The following PAPSS2 variants were observed in gnomAD, a reference collection of about 807,000 sequenced individuals.
PAPSS2 encodes bifunctional 3'-phosphoadenosine 5'-phosphosulfate synthase 2.
PAPSS2 carries 61 observed loss-of-function variants against 66.5 expected under a neutral mutation model. The observed-to-expected ratio is 0.92, with a 90% CI of 0.75 to 1.14. The LOEUF is 1.14. PAPSS2 is among the 50% of genes most tolerant of loss of function. The probability of loss-of-function intolerance (pLI) is 0.00; values close to 1 mark genes in which losing one functional copy is unlikely to be tolerated. For missense variants in PAPSS2, 708 were observed against 789.6 expected (o/e 0.90, Z 1.24); for synonymous variants, 289 against 287.5 (o/e 1.01, Z -0.05).
At chr10:87,676,505 A>G (rs759215048) in intron 1 of PAPSS2, among the ~76,000 whole-genome samples, 6 of 151,722 alleles carry the variant, frequency 4.0e-5, no homozygotes, top group Non-Finnish European at 7.4e-5. Context: ...GCCCACTTAA[A>G]TGTTTCATAA....
At chr10:87,734,703 A>ATATATATATATG (rs574455849) in intron 9 of PAPSS2, among the ~76,000 whole-genome samples, 4 of 111,704 alleles carry the variant, frequency 3.6e-5, no homozygotes, top group African/African-American at 1.7e-4. Flanking sequence ...ATATATATAT[A>ATATATATATATG]TATGTATGTA....
At chr10:87,672,999 G>A (rs1457748684) in intron 1 of PAPSS2, among the ~76,000 whole-genome samples, 1 of 152,208 alleles carries the variant, frequency 6.6e-6, no homozygotes, top group African/African-American at 2.4e-5. Context: ...GTATTTCTGT[G>A]TGGCCTGAAA....
At chr10:87,665,294 T>C (rs1381987630) in intron 1 of PAPSS2, among the ~76,000 whole-genome samples, 2 of 151,916 alleles carry the variant, frequency 1.3e-5, no homozygotes, top group Non-Finnish European at 2.9e-5. Context: ...TCACTGCAAG[T>C]TCCGCCTTCC....
intron 1 of PAPSS2, among the ~76,000 whole-genome samples, chr10:87,687,661 A>G (rs541200198): frequency 1.3e-5 from 2 of 152,340 alleles, no homozygotes; most frequent in Non-Finnish European, 2.9e-5. Context: ...TATAGTAGCT[A>G]GAAGAGAGGA....
intron 1 of PAPSS2, among the ~76,000 whole-genome samples, chr10:87,674,228 G>A (rs1268639780): frequency 2.0e-5 from 3 of 152,164 alleles, no homozygotes; most frequent in African/African-American, 4.8e-5. Flanking sequence ...GCAGTGGCAC[G>A]ATCTCGGCTC....
At chr10:87,731,866 T>G (rs981352911) in intron 9 of PAPSS2, among the ~76,000 whole-genome samples, 2 of 152,204 alleles carry the variant, frequency 1.3e-5, no homozygotes, top group Non-Finnish European at 2.9e-5. Flanking sequence ...TTTTTTGAGA[T>G]AGAATCTACT....
intron 9 of PAPSS2, 107 bp downstream of exon 9, chr10:87,727,596 T>A: frequency 1.1e-6 from 1 of 931,660 alleles, no homozygotes; most frequent in Non-Finnish European, 1.7e-6. Flanking sequence ...TGGGATTAGG[T>A]GGAAGAATGT....
At chr10:87,662,797 G>A (rs1318315183) in intron 1 of PAPSS2, among the ~76,000 whole-genome samples, 1 of 152,198 alleles carries the variant, frequency 6.6e-6, no homozygotes, top group East Asian at 1.9e-4. Context: ...CAATTGGAAA[G>A]GAGTGAAAAG....
intron 9 of PAPSS2, among the ~76,000 whole-genome samples, chr10:87,737,397 CA>C (rs941768864): frequency 6.6e-6 from 1 of 151,798 alleles, no homozygotes; most frequent in African/African-American, 2.4e-5. Flanking sequence ...AGGTAAAAAA[CA>C]GAACATAAAA....
At chr10:87,720,902 A>G (rs1853591446) in intron 7 of PAPSS2, among the ~76,000 whole-genome samples, 1 of 152,158 alleles carries the variant, frequency 6.6e-6, no homozygotes, top group Non-Finnish European at 1.5e-5. Flanking sequence ...GTTGTCACAG[A>G]CCCTTTGATC....
At chr10:87,693,063 C>T (rs770051443) in intron 1 of PAPSS2, among the ~76,000 whole-genome samples, 3 of 152,166 alleles carry the variant, frequency 2.0e-5, no homozygotes, top group Non-Finnish European at 2.9e-5. Context: ...TCTAGAAAGG[C>T]GTTAATCTGA....
At chr10:87,719,508 A>G (rs1003503914) in intron 7 of PAPSS2, among the ~76,000 whole-genome samples, 11 of 152,206 alleles carry the variant, frequency 7.2e-5, no homozygotes, top group African/African-American at 2.7e-4. Flanking sequence ...CCGTAGTCCC[A>G]GCTACTCAGA....
intron 9 of PAPSS2, among the ~76,000 whole-genome samples, chr10:87,731,086 C>T (rs1853722132): frequency 6.6e-6 from 1 of 152,212 alleles, no homozygotes; most frequent in South Asian, 2.1e-4. Flanking sequence ...AAGTCAATGC[C>T]TGGCTTCAAA....
intron 1 of PAPSS2, among the ~76,000 whole-genome samples, chr10:87,698,103 GT>G (rs1853257926): frequency 1.3e-5 from 2 of 152,054 alleles, no homozygotes; most frequent in African/African-American, 2.4e-5. Flanking sequence ...ACCTCCATCT[GT>G]TTTTTTCTTT....
At chr10:87,661,871 C>T (rs76479505) in intron 1 of PAPSS2, among the ~76,000 whole-genome samples, 5 of 152,114 alleles carry the variant, frequency 3.3e-5, no homozygotes, top group African/African-American at 4.8e-5. Flanking sequence ...TTTAGTCTAA[C>T]GCAGTTATAA....
At chr10:87,662,144 A>G (rs1202465157) in intron 1 of PAPSS2, among the ~76,000 whole-genome samples, 2 of 152,314 alleles carry the variant, frequency 1.3e-5, no homozygotes, top group African/African-American at 4.8e-5. Context: ...AGGAATCATC[A>G]CATTGTTTAC....
intron 1 of PAPSS2, among the ~76,000 whole-genome samples, chr10:87,684,167 T>A (rs527400322): frequency 6.6e-6 from 1 of 152,226 alleles, no homozygotes; most frequent in African/African-American, 2.4e-5. Context: ...CCAATGAAGA[T>A]TGAAGCCAGC....
At chr10:87,716,926 C>G (rs1853539411) in intron 7 of PAPSS2, among the ~76,000 whole-genome samples, 1 of 152,160 alleles carries the variant, frequency 6.6e-6, no homozygotes, top group Non-Finnish European at 1.5e-5. Context: ...TCATTTGATC[C>G]TCACAAAAGC....
At chr10:87,745,376 A>T (rs569821399) in intron 12 of PAPSS2, 145 bp downstream of exon 12, 1 of 687,856 alleles carries the variant, frequency 1.5e-6, no homozygotes, top group South Asian at 1.7e-5. Flanking sequence ...ACGTGGTCTT[A>T]TAAATTTTAT....
Sources: allele counts gnomAD v4.1 joint callset (sites outside exome capture counted in the v4.1 genomes callset), GRCh38; gene constraint gnomAD v4.1.1; transcripts MANE v1.5; gene names NCBI Gene and HGNC (gene_info 2026-07-23, HGNC 2026-07-21).